Variants in CASP8 observed in about 807,000 individuals in gnomAD.
CASP8 encodes caspase-8.
A neutral mutation model predicts 46.3 loss-of-function variants in CASP8; 24 were observed. The observed-to-expected ratio is 0.52, with a 90% CI of 0.38 to 0.73. The LOEUF is 0.73. Among genes scored for constraint, CASP8 ranks in the 30% least tolerant of loss-of-function variants. The pLI is 0.00. For missense variants in CASP8, 460 were observed against 559.0 expected (o/e 0.82, Z 1.79); for synonymous variants, 188 against 200.4 (o/e 0.94, Z 0.52).
At chr2:201,263,288 G>A (rs190653957) in intron 1 of CASP8, among the ~76,000 whole-genome samples, 23 of 152,234 alleles carry the variant, frequency 1.5e-4, no homozygotes, top group Non-Finnish European at 2.2e-4. Flanking sequence ...AAAGATTTGC[G>A]TTTTAAAGTC....
intron 5 of CASP8, among the ~76,000 whole-genome samples, chr2:201,273,767 T>C (rs575039440): frequency 6.6e-6 from 1 of 152,116 alleles, no homozygotes; most frequent in South Asian, 2.1e-4. Flanking sequence ...CTCGACCTCC[T>C]GGACTCAGAT....
intron 8 of CASP8, among the ~76,000 whole-genome samples, chr2:201,286,154 C>G (rs1949547229): frequency 6.6e-6 from 1 of 152,088 alleles, no homozygotes; most frequent in Admixed American, 6.6e-5. Flanking sequence ...CAATGGGGAG[C>G]CAAGTAACGT....
At chr2:201,271,871 C>A (rs767385395) in intron 3 of CASP8, among the ~76,000 whole-genome samples, 1 of 152,196 alleles carries the variant, frequency 6.6e-6, no homozygotes, top group Admixed American at 6.5e-5. Flanking sequence ...CAGCCCAGAC[C>A]CGGCAGAGCT....
chr2:201,273,023 C>A, intron 5 of CASP8, 81 bp downstream of exon 5: 3 of 1,143,398 alleles, frequency 2.6e-6, no homozygotes, highest in Non-Finnish European at 4.0e-6. Flanking sequence ...AGCCTTCTAC[C>A]ACATGCACAT....
At chr2:201,252,024 G>A (rs781606446) in intron 2 of CASP8, among the ~76,000 whole-genome samples, 3 of 152,178 alleles carry the variant, frequency 2.0e-5, no homozygotes, top group Non-Finnish European at 2.9e-5. Flanking sequence ...CCAATGTTTG[G>A]TGGTGTCAGT....
intron 2 of CASP8, among the ~76,000 whole-genome samples, chr2:201,249,488 T>C (rs1217436672): frequency 6.6e-6 from 1 of 152,264 alleles, no homozygotes; most frequent in East Asian, 1.9e-4. Flanking sequence ...TAGTCCCAGC[T>C]TATTCATATG....
chr2:201,258,240 A>T, upstream of CASP8: 1 of 1,606,404 alleles, frequency 6.2e-7, no homozygotes, highest in Non-Finnish European at 8.5e-7. Flanking sequence ...CCATGGAGGG[A>T]GGCAGAAGAG....
intron 2 of CASP8, among the ~76,000 whole-genome samples, chr2:201,252,695 C>T (rs904428167): frequency 6.6e-6 from 1 of 152,170 alleles, no homozygotes; most frequent in African/African-American, 2.4e-5. Flanking sequence ...TGAGAGATGA[C>T]TCATTTTCTC....
upstream of CASP8, among the ~76,000 whole-genome samples, chr2:201,256,497 G>A (rs1405986780): frequency 6.6e-6 from 1 of 152,224 alleles, no homozygotes; most frequent in Non-Finnish European, 1.5e-5. Flanking sequence ...TTTGTTAGGT[G>A]ACTGAGAAAC....
intron 1 of CASP8, among the ~76,000 whole-genome samples, chr2:201,264,770 T>G (rs1481135041): frequency 6.6e-6 from 1 of 152,158 alleles, no homozygotes; most frequent in East Asian, 1.9e-4. Context: ...AGGTGGAGGT[T>G]GCAATGAGCC....
intron 2 of CASP8, among the ~76,000 whole-genome samples, chr2:201,268,278 A>G (rs1947969647): frequency 6.6e-6 from 1 of 151,772 alleles, no homozygotes. Flanking sequence ...GGGCCGGGTG[A>G]GGTGGCTCAC....
upstream of CASP8, chr2:201,258,177 T>C: frequency 3.1e-6 from 5 of 1,591,246 alleles, no homozygotes; most frequent in Non-Finnish European, 4.3e-6. Flanking sequence ...TTATCTTTTG[T>C]GTTTTTTTTC....
chr2:201,235,373 TA>T, intron 2 of CASP8, among the ~76,000 whole-genome samples: 1 of 152,302 alleles, frequency 6.6e-6, no homozygotes, highest in East Asian at 1.9e-4. Context: ...GTACTTTTCT[TA>T]AAATTACAGT....
chr2:201,241,813 G>A (rs912351713), intron 2 of CASP8: 1 of 152,114 alleles, frequency 6.6e-6, no homozygotes, highest in Non-Finnish European at 1.5e-5. Flanking sequence ...CAAAATACTA[G>A]CAAATCAAAT....
chr2:201,260,627 T>A lies in CASP8; in HGVS notation c.-27+14T>A. ...CGTGAGAGTAAGGTAAGGATTTGCCTCTTTGTTAAGGTCAGAGGGGCCTTT... is the reference window on the plus strand; with the variant it reads ...CGTGAGAGTAAGGTAAGGATTTGCCACTTTGTTAAGGTCAGAGGGGCCTTT... On this transcript the variant is annotated intron_variant, in intron 1 of 8. Coordinates refer to ENST00000673742, the MANE Select transcript of CASP8 (RefSeq NM_001372051.1). 1.1e-6 allele frequency: 1 copy of A among 940,756 alleles called. No individual in the cohort carries two copies. Among genetic ancestry groups the A allele is most frequent in the Non-Finnish European group, 1.3e-6 (1 of 789,006 alleles). The allele number at this position is 940,756 out of a possible 1,614,324, so 58.3% of individuals were successfully genotyped here. A position where few individuals can be genotyped will look rare whatever the true frequency, so the allele number is the denominator to read the frequency against.
intron 2 of CASP8, among the ~76,000 whole-genome samples, chr2:201,243,498 T>C (rs1378167382): frequency 6.6e-6 from 1 of 152,204 alleles, no homozygotes; most frequent in Non-Finnish European, 1.5e-5. Flanking sequence ...AAAAATCCTA[T>C]AATCATCTCA....
chr2:201,238,741 T>C (rs970215422), intron 2 of CASP8, among the ~76,000 whole-genome samples: 7 of 152,126 alleles, frequency 4.6e-5, no homozygotes, highest in African/African-American at 1.4e-4. Context: ...CTGCACCCAG[T>C]CTTTTCCTTA....
chr2:201,278,796 T>C (rs1948816579), intron 7 of CASP8, among the ~76,000 whole-genome samples: 1 of 152,172 alleles, frequency 6.6e-6, no homozygotes, highest in African/African-American at 2.4e-5. Flanking sequence ...CCTACCAAAG[T>C]GCTGGGATTA....
At position 201,266,859 on chromosome 2, in the gene CASP8, G is replaced by C; in HGVS notation, c.305+68G>C. ...AATGGACAGCCTCTGAGCTGATTGG[G>C]GCTTTTTTTTGTGGTACCCTGCCTA... On this transcript the variant is annotated intron_variant, in intron 2 of 8. Coordinates refer to ENST00000673742, the MANE Select transcript of CASP8 (RefSeq NM_001372051.1). The surrounding 1 kb of genome is among the most constrained non-coding windows in gnomAD (Gnocchi z 5.7). 7.8e-7 allele frequency: 1 copy of C among 1,274,548 alleles called. No homozygotes were observed. 79.0% of individuals were successfully genotyped at this position (1,274,548 alleles called of 1,614,324 possible).
Sources: allele counts gnomAD v4.1 joint callset (sites outside exome capture counted in the v4.1 genomes callset), GRCh38; gene constraint gnomAD v4.1.1; non-coding constraint Gnocchi (gnomAD v3.1); transcripts MANE v1.5; gene names NCBI Gene and HGNC (gene_info 2026-07-23, HGNC 2026-07-21).